The following DPP10 variants were observed in gnomAD, a reference collection of about 807,000 sequenced individuals.
The protein encoded by DPP10 is dipeptidyl peptidase like 10, also known as inactive dipeptidyl peptidase 10.
In DPP10, 33 loss-of-function variants were observed where a neutral mutation model predicts 120.9. That is an observed-to-expected ratio of 0.27 (90% CI 0.21 to 0.37). The LOEUF is 0.37. Ranked by LOEUF, DPP10 falls within the 10% of genes least tolerant of loss-of-function variation. The probability of loss-of-function intolerance (pLI) is 1.00; values close to 1 mark genes in which losing one functional copy is unlikely to be tolerated. For missense variants in DPP10, 816 were observed against 942.8 expected, an observed-to-expected ratio of 0.87 and a Z score of 1.76; for synonymous variants, 337 against 326.1, an observed-to-expected ratio of 1.03 and a Z score of -0.36.
At chr2:115,213,894 C>A (rs1020268145) in intron 1 of DPP10, among the ~76,000 whole-genome samples, 1 of 152,110 alleles carries the variant, frequency 6.6e-6, no homozygotes, top group African/African-American at 2.4e-5. Context: ...GATTTATACA[C>A]TGACTGAGGT....
intron 1 of DPP10, among the ~76,000 whole-genome samples, chr2:114,556,997 C>G (rs1688367431): frequency 1.5e-5 from 1 of 65,060 alleles, no homozygotes; most frequent in South Asian, 9.7e-4. Flanking sequence ...ATAGCAAAGA[C>G]AGCTTTTTTT....
chr2:115,293,221 A>G (rs1559376899), intron 1 of DPP10, among the ~76,000 whole-genome samples: 1 of 152,152 alleles, frequency 6.6e-6, no homozygotes, highest in South Asian at 2.1e-4. Flanking sequence ...GTTGGCAGGT[A>G]TTTCAGAAAA....
intron 1 of DPP10, among the ~76,000 whole-genome samples, chr2:114,467,036 C>CAA (rs1301709070): frequency 1.1e-5 from 1 of 88,778 alleles, no homozygotes; most frequent in African/African-American, 4.0e-5. Flanking sequence ...GACTCCATAT[C>CAA]CAAAAAAAAA....
chr2:114,933,740 T>C (rs568488625), intron 1 of DPP10, among the ~76,000 whole-genome samples: 437 of 152,332 alleles, frequency 2.9e-3, no homozygotes, highest in Admixed American at 6.1e-3. Flanking sequence ...TCTTACTTGG[T>C]CATCCATCAG....
At chr2:114,593,645 T>C (rs72953518) in intron 1 of DPP10, among the ~76,000 whole-genome samples, 23,203 of 152,150 alleles carry the variant, frequency 0.15, 2,229 homozygotes, top group African/African-American at 0.27. Context: ...TTTATGGGGA[T>C]ACAATGTGAT....
intron 1 of DPP10, among the ~76,000 whole-genome samples, chr2:114,492,454 A>G (rs1682090019): frequency 6.6e-6 from 1 of 152,180 alleles, no homozygotes; most frequent in Non-Finnish European, 1.5e-5. Flanking sequence ...ATGTGCAACT[A>G]AAAAATAAAT....
intron 1 of DPP10, among the ~76,000 whole-genome samples, chr2:114,534,450 T>C (rs1409102404): frequency 1.3e-5 from 2 of 152,208 alleles, no homozygotes. Context: ...GTCTGGTATG[T>C]TGTCAACTTT....
At chr2:115,508,136 CAG>C (rs1261016469) in intron 4 of DPP10, among the ~76,000 whole-genome samples, 2 of 152,018 alleles carry the variant, frequency 1.3e-5, no homozygotes, top group Non-Finnish European at 2.9e-5. Context: ...AACAGTATAA[CAG>C]AGGAATTTTT....
At chr2:115,006,864 G>A (rs555347955) in intron 1 of DPP10, among the ~76,000 whole-genome samples, 71 of 151,630 alleles carry the variant, frequency 4.7e-4, no homozygotes, top group African/African-American at 1.2e-3. Context: ...TGCACCAAGC[G>A]GACCTAATAG....
chr2:114,464,354 A>G (rs1477729442), intron 1 of DPP10, among the ~76,000 whole-genome samples: 1 of 152,130 alleles, frequency 6.6e-6, no homozygotes, highest in African/African-American at 2.4e-5. Flanking sequence ...AATAATGCTG[A>G]GTATCTCTTT....
intron 1 of DPP10, among the ~76,000 whole-genome samples, chr2:115,132,078 G>A (rs1314949906): frequency 1.3e-5 from 2 of 151,972 alleles, no homozygotes; most frequent in Admixed American, 1.3e-4. Context: ...CGACAGAGTG[G>A]CGCCATCTCA....
At chr2:115,762,688 T>C in intron 12 of DPP10, 78 bp downstream of exon 12, 1 of 1,534,184 alleles carries the variant, frequency 6.5e-7, no homozygotes, top group Non-Finnish European at 9.0e-7. Flanking sequence ...TAACTTTCTG[T>C]AAAAAGTATG....
intron 5 of DPP10, among the ~76,000 whole-genome samples, chr2:115,530,900 C>G (rs79207335): frequency 8.6e-5 from 13 of 151,936 alleles, no homozygotes; most frequent in Non-Finnish European, 1.2e-4. Context: ...GGTTGAAGAC[C>G]ATTGAATTTA....
intron 1 of DPP10, among the ~76,000 whole-genome samples, chr2:114,783,872 C>A (rs543000435): frequency 6.6e-6 from 1 of 151,992 alleles, no homozygotes; most frequent in Non-Finnish European, 1.5e-5. Context: ...CCCATCCTAC[C>A]TCTTGCTCTA....
intron 1 of DPP10, among the ~76,000 whole-genome samples, chr2:114,456,638 T>C (rs1678601770): frequency 6.6e-6 from 1 of 152,206 alleles, no homozygotes; most frequent in South Asian, 2.1e-4. Flanking sequence ...TAATGAAGTA[T>C]ATATACACTG....
intron 1 of DPP10, among the ~76,000 whole-genome samples, chr2:115,154,745 C>T (rs2051786005): frequency 6.6e-6 from 1 of 151,794 alleles, no homozygotes. Flanking sequence ...ACCCCCTGAG[C>T]ACACACACAC....
At chr2:114,691,758 C>G (rs189182519) in intron 1 of DPP10, among the ~76,000 whole-genome samples, 1 of 151,930 alleles carries the variant, frequency 6.6e-6, no homozygotes, top group Admixed American at 6.6e-5. Context: ...CAATTTCAAA[C>G]TCATTATTAT....
At chr2:115,040,503 T>C (rs1259918619) in intron 1 of DPP10, among the ~76,000 whole-genome samples, 2 of 151,938 alleles carry the variant, frequency 1.3e-5, no homozygotes, top group Non-Finnish European at 2.9e-5. Context: ...AGAAGGACTT[T>C]ACCCACAGCT....
intron 1 of DPP10, among the ~76,000 whole-genome samples, chr2:114,635,792 A>T (rs975815057): frequency 6.6e-6 from 1 of 152,012 alleles, no homozygotes; most frequent in African/African-American, 2.4e-5. Flanking sequence ...AAGACATTTT[A>T]AAAATATTTT....
Sources: allele counts gnomAD v4.1 joint callset (sites outside exome capture counted in the v4.1 genomes callset), GRCh38; gene constraint gnomAD v4.1.1; transcripts MANE v1.5; gene names NCBI Gene and HGNC (gene_info 2026-07-23, HGNC 2026-07-21).